Variants in LRRC49 observed in about 807,000 individuals in gnomAD.
The protein encoded by LRRC49 is leucine rich repeat containing 49.
Under a neutral mutation model 83.3 loss-of-function variants are expected in LRRC49, and 50 were observed. The ratio of observed to expected loss-of-function variants is 0.60; its 90% CI spans 0.48 to 0.76. LRRC49 has a LOEUF of 0.76. Ranked by LOEUF, LRRC49 falls within the 30% of genes least tolerant of loss-of-function variation. The pLI is 0.00. For synonymous variants in LRRC49, 286 were observed against 283.3 expected (o/e 1.01, Z -0.10); for missense variants, 704 against 809.1 (o/e 0.87, Z 1.58).
intron 11 of LRRC49, among the ~76,000 whole-genome samples, chr15:70,987,556 A>G (rs1178960396): frequency 6.6e-6 from 1 of 151,878 alleles, no homozygotes; most frequent in African/African-American, 2.4e-5. Flanking sequence ...CTAGCGGTCT[A>G]TCAATTTTGT....
intron 8 of LRRC49, among the ~76,000 whole-genome samples, chr15:70,963,252 G>T (rs1276166620): frequency 7.0e-6 from 1 of 141,874 alleles, no homozygotes; most frequent in African/African-American, 2.6e-5. Context: ...ACCCAGCCTG[G>T]ATGACAGAGT....
At chr15:70,934,349 A>C (rs1261461593) in intron 7 of LRRC49, among the ~76,000 whole-genome samples, 1 of 152,230 alleles carries the variant, frequency 6.6e-6, no homozygotes, top group Non-Finnish European at 1.5e-5. Flanking sequence ...ATTTTCTTAC[A>C]GAAATGAAAT....
chr15:70,879,151 C>T (rs867630305), intron 2 of LRRC49, among the ~76,000 whole-genome samples: 3 of 152,304 alleles, frequency 2.0e-5, no homozygotes, highest in South Asian at 4.1e-4. Flanking sequence ...TCTGTTTCTC[C>T]TTGTGCCAGT....
chr15:70,984,987 C>A (rs1264460007), intron 11 of LRRC49, among the ~76,000 whole-genome samples: 1 of 141,404 alleles, frequency 7.1e-6, no homozygotes. Flanking sequence ...GCATAGTATT[C>A]CATGGTGTAT....
At chr15:70,984,440 C>A in intron 11 of LRRC49, 183 bp downstream of exon 11, 1 of 515,844 alleles carries the variant, frequency 1.9e-6, no homozygotes. Flanking sequence ...CAAATTAAAA[C>A]ATGCTTCATA....
chr15:70,922,479 A>G (rs1242797398), intron 7 of LRRC49, among the ~76,000 whole-genome samples: 3 of 152,130 alleles, frequency 2.0e-5, no homozygotes, highest in East Asian at 1.9e-4. Context: ...AATCAAATCA[A>G]TTGAACTCAT....
chr15:70,901,597 A>T (rs2034082665), intron 4 of LRRC49, among the ~76,000 whole-genome samples: 1 of 152,072 alleles, frequency 6.6e-6, no homozygotes, highest in South Asian at 2.1e-4. Flanking sequence ...ATCCTCTCCA[A>T]AATTGCAACC....
In LRRC49 at chr15:70,895,943, T is replaced by C; in HGVS notation, c.193+7T>C. On this transcript the variant is annotated splice_region_variant and intron_variant, in intron 3 of 15. Coordinates refer to ENST00000260382, the MANE Select transcript of LRRC49 (RefSeq NM_017691.5). The stretch of plus-strand genomic sequence containing the variant: ...AACTACTCAAGTAGGCAAGGTATTG[T>C]CAGTGAATAGAGATCAGATGTGGTT... 6.5e-7 allele frequency: 1 copy of C among 1,539,088 alleles called. No individual in the cohort carries two copies. The highest frequency in any genetic ancestry group is 9.0e-7 in the Non-Finnish European group (1 of 1,115,242).
intron 7 of LRRC49, among the ~76,000 whole-genome samples, chr15:70,936,260 A>T (rs950888094): frequency 1.3e-5 from 2 of 152,132 alleles, no homozygotes; most frequent in African/African-American, 4.8e-5. Context: ...TGGGGGAATC[A>T]TTAGTGTATT....
chr15:71,024,062 C>T (rs2141280385), intron 14 of LRRC49, among the ~76,000 whole-genome samples: 1 of 152,348 alleles, frequency 6.6e-6, no homozygotes, highest in Middle Eastern at 3.4e-3. Context: ...GGCCTCCCTG[C>T]AGGAATTTCA....
chr15:71,039,486 C>G (rs2039632526), intron 15 of LRRC49, among the ~76,000 whole-genome samples: 2 of 152,248 alleles, frequency 1.3e-5, no homozygotes, highest in South Asian at 2.1e-4. Flanking sequence ...CACAGATGCT[C>G]AAGTCCCTGA....
chr15:71,016,214 TG>T (rs1166219809), intron 14 of LRRC49, among the ~76,000 whole-genome samples: 1 of 152,162 alleles, frequency 6.6e-6, no homozygotes, highest in East Asian at 1.9e-4. Context: ...TGTTCTATCT[TG>T]TTTTTTTATT....
intron 11 of LRRC49, among the ~76,000 whole-genome samples, chr15:70,989,433 G>A (rs1429225021): frequency 1.3e-5 from 2 of 152,030 alleles, no homozygotes; most frequent in Non-Finnish European, 2.9e-5. Flanking sequence ...ATCGGCTCCT[G>A]AGGCTTCTGC....
At chr15:71,024,671 A>G (rs566691546) in intron 14 of LRRC49, among the ~76,000 whole-genome samples, 2 of 152,146 alleles carry the variant, frequency 1.3e-5, no homozygotes, top group Non-Finnish European at 2.9e-5. Context: ...AAAAAAAAAA[A>G]CATTGAAAAC....
chr15:70,859,480 G>A (rs187780079), intron 1 of LRRC49: 12 of 698,080 alleles, frequency 1.7e-5, no homozygotes, highest in Non-Finnish European at 2.7e-5. Context: ...TCCTGGACAC[G>A]GTCAGCATCA....
chr15:70,942,033 A>ATTTGTGTGTGTGTGTG (rs1340541101), intron 8 of LRRC49, among the ~76,000 whole-genome samples: 37 of 144,188 alleles, frequency 2.6e-4, no homozygotes, highest in African/African-American at 9.3e-4. Flanking sequence ...TGTAAAGGTT[A>ATTTGTGTGTGTGTGTG]TGTGTGTGTG....
rs2039810321 is a variant in LRRC49 at position 71,044,940 on chromosome 15, G to A, written c.1858-4469G>A. On this transcript the variant is annotated intron_variant, in intron 15 of 15. Transcript: ENST00000260382. ...GGAGTCTCCCTCTGTCACCCAGGCT[G>A]GAGTGCAGTGGTGTGATCTTGGCTC... is the stretch of plus-strand genomic sequence containing the variant. Among the ~76,000 whole-genome samples the A allele has an allele frequency of 2.2e-5, 3 of 138,654 alleles. No homozygotes were observed. The South Asian group carries it at 6.8e-4, about 32-fold the overall frequency. 91.0% of individuals were successfully genotyped at this position (138,654 alleles called of 152,430 possible). A position where few individuals can be genotyped will look rare whatever the true frequency, so the allele number is the denominator to read the frequency against.
In LRRC49 at chr15:71,045,115, C is replaced by T. The variant is rs188806990; in HGVS notation, c.1858-4294C>T. On this transcript the variant is annotated intron_variant, in intron 15 of 15. Coordinates refer to ENST00000260382, the MANE Select transcript of LRRC49 (RefSeq NM_017691.5). Reference sequence around the variant, plus strand: ...TTCACCATGTTAACCAGGATGGTCTCGATCTCCAGACCTCATGATCTGCCC... The same window carrying T: ...TTCACCATGTTAACCAGGATGGTCTTGATCTCCAGACCTCATGATCTGCCC... Among the ~76,000 whole-genome samples the T allele has an allele frequency of 4.1e-4, 62 of 152,022 alleles. No individual in the cohort carries two copies. The East Asian group carries it at 0.012, about 29-fold the overall frequency.
rs1281001644 is a variant in LRRC49 at position 70,858,724 on chromosome 15, G to C, written c.-299+5255G>C. 5.6e-6 allele frequency: 6 copies of C among 1,073,278 alleles called. 1 individual carries two copies. Among genetic ancestry groups the C allele is most frequent in the African/African-American group, 1.6e-5 (1 of 63,982 alleles). The allele number at this position is 1,073,278 out of a possible 1,614,324, so 66.5% of individuals were successfully genotyped here. On this transcript the variant is annotated intron_variant, in intron 1 of 16. Coordinates refer to the LRRC49 transcript ENST00000544974. ...CTCCTGCCTCCACCATGTCCATCAG[G>C]GTGACCCAGAAGTCCTACAAGATGT...
Sources: allele counts gnomAD v4.1 joint callset (sites outside exome capture counted in the v4.1 genomes callset), GRCh38; gene constraint gnomAD v4.1.1; transcripts MANE v1.5; gene names NCBI Gene and HGNC (gene_info 2026-07-23, HGNC 2026-07-21).